CDH23: variants seen among roughly 807,000 people sequenced by gnomAD.
CDH23 encodes cadherin related 23.
Under a neutral mutation model 317.1 loss-of-function variants are expected in CDH23, and 189 were observed. That is an observed-to-expected ratio of 0.60 (90% confidence interval 0.53 to 0.67). The LOEUF is 0.67. Ranked by LOEUF, CDH23 falls within the 30% of genes least tolerant of loss-of-function variation. The pLI is 0.00. For missense variants in CDH23, 4,401 were observed against 4,592.4 expected (o/e 0.96, Z 1.20); for synonymous variants, 1,839 against 1,876.8 (o/e 0.98, Z 0.52).
chr10:71,434,387 G>A (rs1849529251), intron 1 of CDH23, among the ~76,000 whole-genome samples: 2 of 152,198 alleles, frequency 1.3e-5, no homozygotes, highest in Admixed American at 1.3e-4. Flanking sequence ...TTAAGCTCTA[G>A]CACAGTGCCT....
At chr10:71,525,931 G>T (rs901975002) in intron 6 of CDH23, among the ~76,000 whole-genome samples, 2 of 152,230 alleles carry the variant, frequency 1.3e-5, no homozygotes, top group African/African-American at 2.4e-5. Flanking sequence ...TTGCCTGAGG[G>T]CCTGCTGGGT....
In CDH23 at chr10:71,682,468, G is replaced by A; in HGVS notation, c.1882G>A (p.Asp628Asn). ...YGVISVSRPL[D>N]YEQISNGLIY... is the part of the protein sequence containing the mutation. ...AGTGATCAGCGTCAGTCGCCCCCTG[G>A]ATTATGAACAGATATCCAATGGGCT... is the stretch of plus-strand genomic sequence containing the variant. Residue 628 changes from aspartate (D) to asparagine (N), a missense_variant, in exon 18 of 70, where the codon GAT (aspartate) becomes AAT (asparagine). Transcript: ENST00000224721. 1 of 1,612,434 alleles carries A rather than the reference G, an allele frequency of 6.2e-7. No individual in the cohort carries two copies.
intron 11 of CDH23, among the ~76,000 whole-genome samples, chr10:71,625,182 C>T (rs118107849): frequency 0.011 from 1,707 of 151,960 alleles, 16 homozygotes; most frequent in Admixed American, 0.024. Flanking sequence ...GTTGAGAATT[C>T]AGTCACAGGG....
In CDH23 at chr10:71,403,454, T is replaced by TTCCC. The variant is rs1227991708; in HGVS notation, c.-6+6137_-6+6138insCCCT. 2.1e-3 allele frequency among the ~76,000 whole-genome samples: 74 copies of TTCCC among 35,250 alleles called. 2 individuals carry two copies. Among genetic ancestry groups the TTCCC allele is most frequent in the Non-Finnish European group, 2.5e-3 (57 of 22,930 alleles). 23.1% of individuals were successfully genotyped at this position (35,250 alleles called of 152,430 possible). On this transcript the variant is annotated intron_variant, in intron 1 of 69. Transcript: ENST00000224721. ...CTTCCTTCCTTCCTTCCTTCCTTCC[T>TTCCC]TTCCTTCCTTCCTTCCTTCCTTCCT... is the stretch of plus-strand genomic sequence containing the variant.
At chr10:71,787,188 C>T (rs1444977938) in intron 44 of CDH23, among the ~76,000 whole-genome samples, 1 of 152,150 alleles carries the variant, frequency 6.6e-6, no homozygotes, top group Admixed American at 6.5e-5. Context: ...GCCACACCTC[C>T]GTGAAGGAGT....
intron 38 of CDH23, among the ~76,000 whole-genome samples, chr10:71,759,922 C>CACACACACATATAT (rs1564779355): frequency 2.7e-4 from 11 of 40,298 alleles, no homozygotes; most frequent in East Asian, 2.1e-3. Context: ...CACATATATA[C>CACACACACATATAT]ACACACACAT....
At chr10:71,707,326 G>A (rs1865829881) in intron 26 of CDH23, 1 of 1,419,178 alleles carries the variant, frequency 7.0e-7, no homozygotes, top group Admixed American at 2.9e-5. Context: ...ATTCTAGAGG[G>A]AGGTAAGGCC....
intron 11 of CDH23, among the ~76,000 whole-genome samples, chr10:71,642,267 A>G (rs1460214711): frequency 6.6e-6 from 1 of 151,880 alleles, no homozygotes; most frequent in Non-Finnish European, 1.5e-5. Flanking sequence ...AGGCCAATGC[A>G]TTTCACACTG....
chr10:71,807,504 T>TCCCA lies in CDH23; in HGVS notation c.8309-8_8309-5dup. On this transcript the variant is annotated splice_polypyrimidine_tract_variant and intron_variant, in intron 58 of 69. Coordinates refer to ENST00000224721, the MANE Select transcript of CDH23 (RefSeq NM_022124.6). ...CCTGCCCCCTCACCCTGTGCCATGA[T>TCCCA]CCCACCCTCAGCCGGCAACGAAGAG... The TCCCA allele has an allele frequency of 6.2e-7, 1 of 1,613,490 alleles. No individual in the cohort carries two copies. The highest frequency in any genetic ancestry group is 8.5e-7 in the Non-Finnish European group (1 of 1,179,640).
chr10:71,787,450 C>G (rs892558002), intron 44 of CDH23, among the ~76,000 whole-genome samples: 1 of 150,654 alleles, frequency 6.6e-6, no homozygotes, highest in Admixed American at 6.7e-5. Context: ...CCTATTATGT[C>G]CAATGTTCAC....
At chr10:71,610,264 A>G (rs964791427) in intron 9 of CDH23, among the ~76,000 whole-genome samples, 4 of 152,168 alleles carry the variant, frequency 2.6e-5, no homozygotes, top group African/African-American at 4.8e-5. Context: ...CGGCCTCCCA[A>G]TGTGCTGGGA....
intron 38 of CDH23, among the ~76,000 whole-genome samples, chr10:71,761,398 C>A (rs992411007): frequency 6.6e-6 from 1 of 152,164 alleles, no homozygotes; most frequent in Non-Finnish European, 1.5e-5. Context: ...CAGGTACACC[C>A]TCCCTCTCCA....
rs1249775933 is a variant in CDH23 at position 71,533,525 on chromosome 10, C to CCCCACACA, written c.429+22314_429+22315insCCACACAC. 5.5e-3 allele frequency among the ~76,000 whole-genome samples: 713 copies of CCCCACACA among 130,806 alleles called. 11 individuals carry two copies. The highest frequency in any genetic ancestry group is 0.02 in the African/African-American group (655 of 33,550). 85.8% of individuals were successfully genotyped at this position (130,806 alleles called of 152,430 possible). A position where few individuals can be genotyped will look rare whatever the true frequency, so the allele number is the denominator to read the frequency against. ...ATTGTGACCCTAGGCTGGCTGGACA[C>CCCCACACA]CACACACACACACACACACACACAC... On this transcript the variant is annotated intron_variant, in intron 6 of 69. Coordinates refer to ENST00000224721, the MANE Select transcript of CDH23 (RefSeq NM_022124.6).
At chr10:71,724,418 G>A (rs61852056) in intron 29 of CDH23, among the ~76,000 whole-genome samples, 24,532 of 152,130 alleles carry the variant, frequency 0.16, 2,208 homozygotes, top group South Asian at 0.33. Flanking sequence ...TCAGCCTCCC[G>A]TCCCCAGTAG....
At chr10:71,750,416 C>T (rs1839965550) in intron 38 of CDH23, 1 of 148,674 alleles carries the variant, frequency 6.7e-6, no homozygotes, top group African/African-American at 2.4e-5. Context: ...ATGGCCCGCG[C>T]TGAGCAGTGG....
chr10:71,810,050 G>A lies in CDH23; in HGVS notation c.8953G>A (p.Ala2985Thr). 6.2e-7 allele frequency: 1 copy of A among 1,612,596 alleles called. No homozygotes were observed. Among genetic ancestry groups the A allele is most frequent in the Non-Finnish European group, 8.5e-7 (1 of 1,179,862 alleles). The change falls in exon 61 of 70, where the codon GCC (alanine) becomes ACC (threonine). Residue 2985 changes from alanine to threonine, a missense_variant. Ala to Thr is a moderately conservative substitution (Grantham distance 58, BLOSUM62 0). Coordinates refer to ENST00000224721, the MANE Select transcript of CDH23 (RefSeq NM_022124.6). ...FIHLLSNITG[A>T]IVNTDNVQFH... ...CCACCTGCTCTCCAACATCACTGGG[G>A]CCATTGTCAATACTGACAATGTGCA...
chr10:71,766,518 C>T (rs532355972), intron 38 of CDH23, among the ~76,000 whole-genome samples: 3 of 152,186 alleles, frequency 2.0e-5, no homozygotes, highest in Non-Finnish European at 4.4e-5. Context: ...CATTGTGTGC[C>T]CTTGGGCAGA....
intron 6 of CDH23, among the ~76,000 whole-genome samples, chr10:71,553,118 T>G (rs1856688753): frequency 6.6e-6 from 1 of 152,204 alleles, no homozygotes; most frequent in African/African-American, 2.4e-5. Flanking sequence ...CAGCCTGCTA[T>G]TTTTTAAAAG....
At position 71,412,090 on chromosome 10, in the gene CDH23, C is replaced by T. The variant is rs375624309; in HGVS notation, c.-6+14772C>T. ...ATCCTTTTATGTCTGGCTTATTTCA[C>T]TTAGCATAATGTTTTCAAGATTCAT... is the stretch of plus-strand genomic sequence containing the variant. On this transcript the variant is annotated intron_variant, in intron 1 of 69. Transcript: ENST00000224721. Among the ~76,000 whole-genome samples, 20 of 152,280 alleles carry T rather than the reference C, an allele frequency of 1.3e-4. No individual in the cohort carries two copies. The East Asian group carries it at 2.5e-3, about 19-fold the overall frequency.
Sources: gnomAD v4.1 joint callset for allele counts (sites outside exome capture counted in the v4.1 genomes callset) on GRCh38, gnomAD v4.1.1 for gene constraint, MANE v1.5 for transcripts, NCBI Gene and HGNC (gene_info 2026-07-23, HGNC 2026-07-21) for gene names.